Variants in DLG1 observed in about 807,000 individuals in gnomAD.
DLG1 encodes the protein discs large MAGUK scaffold protein 1.
A neutral mutation model predicts 123.4 loss-of-function variants in DLG1; 42 were observed. That is an observed-to-expected ratio of 0.34 (90% CI 0.27 to 0.44). The LOEUF (loss-of-function observed/expected upper bound fraction) is 0.44, where lower values mean the gene tolerates loss of function less well. Among genes scored for constraint, DLG1 ranks in the 20% least tolerant of loss-of-function variants. The probability of loss-of-function intolerance (pLI) is 1.00; values close to 1 mark genes in which losing one functional copy is unlikely to be tolerated. For synonymous variants in DLG1, 317 were observed against 356.2 expected, an observed-to-expected ratio of 0.89 and a Z score of 1.24; for missense variants, 942 against 1,082.6, an observed-to-expected ratio of 0.87 and a Z score of 1.82.
chr3:197,203,636 C>T (rs1368481670), intron 4 of DLG1, among the ~76,000 whole-genome samples: 1 of 152,138 alleles, frequency 6.6e-6, no homozygotes, highest in Non-Finnish European at 1.5e-5. Flanking sequence ...CAATAAAATA[C>T]ATTAATTTAA....
chr3:197,070,863 C>A (rs1553886694), intron 18 of DLG1: 1 of 151,994 alleles, frequency 6.6e-6, no homozygotes, highest in African/African-American at 2.4e-5. Context: ...TGAGCCACCG[C>A]ACCTGGCCAA....
chr3:197,132,531 C>T (rs1041908003), intron 10 of DLG1, among the ~76,000 whole-genome samples: 1 of 152,192 alleles, frequency 6.6e-6, no homozygotes, highest in African/African-American at 2.4e-5. Flanking sequence ...TTTTATGGCT[C>T]CACATTACCA....
At chr3:197,227,512 C>A (rs1011578693) in intron 4 of DLG1, among the ~76,000 whole-genome samples, 1 of 151,936 alleles carries the variant, frequency 6.6e-6, no homozygotes, top group South Asian at 2.1e-4. Flanking sequence ...AAAACAAGAA[C>A]AATTTTACAA....
intron 19 of DLG1, 55 bp from the exon 20 acceptor site, chr3:197,066,809 C>T: frequency 4.1e-6 from 5 of 1,224,454 alleles, no homozygotes; most frequent in Non-Finnish European, 6.0e-6. Flanking sequence ...TGATGCTAAT[C>T]TAATTCTTCA....
intron 4 of DLG1, among the ~76,000 whole-genome samples, chr3:197,265,321 T>C (rs1023386390): frequency 1.3e-5 from 2 of 151,856 alleles, no homozygotes; most frequent in Non-Finnish European, 2.9e-5. Flanking sequence ...CTGCCAACCA[T>C]AATGGAATAA....
intron 4 of DLG1, among the ~76,000 whole-genome samples, chr3:197,271,372 T>G (rs773973404): frequency 1.2e-4 from 19 of 152,180 alleles, no homozygotes; most frequent in Non-Finnish European, 2.2e-4. Context: ...GATACAAAAA[T>G]CAGTCACACT....
chr3:197,162,796 G>A (rs1390119587), intron 5 of DLG1, among the ~76,000 whole-genome samples: 2 of 152,288 alleles, frequency 1.3e-5, no homozygotes, highest in Admixed American at 6.5e-5. Flanking sequence ...CTTTGTGACC[G>A]TGGATTTGGT....
intron 4 of DLG1, among the ~76,000 whole-genome samples, chr3:197,202,173 C>T (rs1726110355): frequency 6.6e-6 from 1 of 152,138 alleles, no homozygotes; most frequent in African/African-American, 2.4e-5. Context: ...AAAACCATAA[C>T]AAATGTAAGA....
At chr3:197,173,330 A>G (rs879347043) in intron 5 of DLG1, among the ~76,000 whole-genome samples, 3 of 152,194 alleles carry the variant, frequency 2.0e-5, no homozygotes, top group Non-Finnish European at 4.4e-5. Context: ...GATGTAATTA[A>G]TGTATTATAA....
intron 13 of DLG1, 108 bp downstream of exon 13, chr3:197,115,819 T>A: frequency 9.3e-7 from 1 of 1,071,114 alleles, no homozygotes; most frequent in Non-Finnish European, 1.4e-6. Flanking sequence ...GTTAAGAAGA[T>A]AACCAAGATA....
At chr3:197,286,048 T>C (rs1247193191) in intron 3 of DLG1, among the ~76,000 whole-genome samples, 1 of 152,170 alleles carries the variant, frequency 6.6e-6, no homozygotes, top group African/African-American at 2.4e-5. Flanking sequence ...CATAAAAAGA[T>C]ACGAGCTATT....
intron 4 of DLG1, among the ~76,000 whole-genome samples, chr3:197,263,183 A>G (rs1339257497): frequency 6.6e-6 from 1 of 152,214 alleles, no homozygotes; most frequent in Non-Finnish European, 1.5e-5. Flanking sequence ...CTCTCTTAGT[A>G]TTCTGAAGTT....
At chr3:197,278,421 T>C (rs1391582581) in intron 4 of DLG1, among the ~76,000 whole-genome samples, 1 of 151,126 alleles carries the variant, frequency 6.6e-6, no homozygotes, top group Non-Finnish European at 1.5e-5. Context: ...CAGTGAGCTA[T>C]GATCGCACCA....
intron 4 of DLG1, among the ~76,000 whole-genome samples, chr3:197,264,477 C>G (rs1760849145): frequency 6.6e-6 from 1 of 152,126 alleles, no homozygotes; most frequent in Non-Finnish European, 1.5e-5. Context: ...AGGCTGGAGT[C>G]CAATGGCACA....
intron 4 of DLG1, among the ~76,000 whole-genome samples, chr3:197,224,995 G>A (rs1468803744): frequency 6.6e-6 from 1 of 152,184 alleles, no homozygotes; most frequent in Non-Finnish European, 1.5e-5. Context: ...CTCGCTCTGT[G>A]GCCCAGGCCG....
At chr3:197,274,275 C>T (rs1196405309) in intron 4 of DLG1, among the ~76,000 whole-genome samples, 1 of 152,066 alleles carries the variant, frequency 6.6e-6, no homozygotes. Flanking sequence ...CAACAGAGAA[C>T]ACAGAAATAA....
chr3:197,264,147 C>A (rs1760712663), intron 4 of DLG1, among the ~76,000 whole-genome samples: 1 of 152,134 alleles, frequency 6.6e-6, no homozygotes, highest in Non-Finnish European at 1.5e-5. Flanking sequence ...AGTTAAACTC[C>A]TCACATTCAT....
Position 197,044,136 on chromosome 3 carries a change from T to C in DLG1, c.*487A>G, listed in dbSNP as rs973889806. On this transcript the variant is annotated 3_prime_UTR_variant, in exon 25 of 25. Transcript: ENST00000667157. ...TCCTTATTTATCTATAATGAAACAATTGCTTTGATGATAGAAGTTGATTGA... is the reference window on the plus strand; with the variant it reads ...TCCTTATTTATCTATAATGAAACAACTGCTTTGATGATAGAAGTTGATTGA... 3 of 152,202 alleles carry C rather than the reference T, an allele frequency of 2.0e-5. No homozygotes were observed. Among genetic ancestry groups the C allele is most frequent in the African/African-American group, 7.2e-5 (3 of 41,424 alleles). The allele number at this position is 152,202 out of a possible 1,614,324, so 9.4% of individuals were successfully genotyped here.
chr3:197,183,974 T>C, intron 5 of DLG1: 1 of 1,422,976 alleles, frequency 7.0e-7, no homozygotes, highest in Non-Finnish European at 9.1e-7. Context: ...GATTTCTTCC[T>C]ATGAAAGAGC....
Sources: allele counts gnomAD v4.1 joint callset (sites outside exome capture counted in the v4.1 genomes callset), GRCh38; gene constraint gnomAD v4.1.1; transcripts MANE v1.5; gene names NCBI Gene and HGNC (gene_info 2026-07-23, HGNC 2026-07-21).